The following GPR158 variants were observed in gnomAD, a reference collection of about 807,000 sequenced individuals.
GPR158 encodes metabotropic glycine receptor.
A neutral mutation model predicts 78.2 loss-of-function variants in GPR158; 30 were observed. The observed-to-expected ratio is 0.38, with a 90% CI of 0.29 to 0.52. GPR158 has a LOEUF of 0.52. GPR158 is among the 20% of genes least tolerant of loss of function. GPR158 has a pLI of 0.83. For missense variants in GPR158, 1,463 were observed against 1,523.5 expected (o/e 0.96, Z 0.66); for synonymous variants, 581 against 591.1 (o/e 0.98, Z 0.25).
intron 5 of GPR158, among the ~76,000 whole-genome samples, chr10:25,528,323 CTATA>C (rs931049424): frequency 6.6e-6 from 1 of 151,168 alleles, no homozygotes; most frequent in African/African-American, 2.4e-5. Flanking sequence ...AAAATTGGAT[CTATA>C]TATATATAGA....
chr10:25,597,246 A>G (rs1350800736), intron 10 of GPR158, among the ~76,000 whole-genome samples: 1 of 152,202 alleles, frequency 6.6e-6, no homozygotes, highest in Admixed American at 6.5e-5. Flanking sequence ...ACGGACTATT[A>G]CCCTCTAAGC....
intron 5 of GPR158, among the ~76,000 whole-genome samples, chr10:25,515,744 C>T (rs1259919273): frequency 6.8e-6 from 1 of 146,558 alleles, no homozygotes; most frequent in African/African-American, 2.5e-5. Flanking sequence ...GTATATGTGC[C>T]ACATTTTCTT....
chr10:25,502,672 A>G (rs1259053316), intron 5 of GPR158, among the ~76,000 whole-genome samples: 3 of 152,194 alleles, frequency 2.0e-5, no homozygotes, highest in South Asian at 2.1e-4. Flanking sequence ...GACACCATCT[A>G]TAGGCAGGAC....
intron 2 of GPR158, among the ~76,000 whole-genome samples, chr10:25,321,318 A>G (rs537410879): frequency 6.6e-6 from 1 of 152,300 alleles, no homozygotes; most frequent in South Asian, 2.1e-4. Context: ...TGGGATTTAT[A>G]TTTCCAGAGA....
chr10:25,498,838 T>C (rs927647689), intron 5 of GPR158, among the ~76,000 whole-genome samples: 3 of 152,190 alleles, frequency 2.0e-5, no homozygotes, highest in African/African-American at 7.2e-5. Context: ...CATCAGTAGG[T>C]GCTGGATGGC....
chr10:25,507,365 C>G (rs35075874), intron 5 of GPR158, among the ~76,000 whole-genome samples: 19,170 of 152,236 alleles, frequency 0.13, 1,274 homozygotes, highest in African/African-American at 0.14. Context: ...AAGATAGAAC[C>G]AGGAAGCACA....
At chr10:25,345,943 G>T (rs1855365691) in intron 2 of GPR158, among the ~76,000 whole-genome samples, 2 of 151,882 alleles carry the variant, frequency 1.3e-5, no homozygotes, top group African/African-American at 4.8e-5. Context: ...AAAAATGTTG[G>T]ATTACAATCT....
chr10:25,342,620 A>T (rs1855317247), intron 2 of GPR158, among the ~76,000 whole-genome samples: 1 of 151,920 alleles, frequency 6.6e-6, no homozygotes, highest in Non-Finnish European at 1.5e-5. Context: ...ATGCTTGGGA[A>T]AAAAATGTAA....
intron 2 of GPR158, among the ~76,000 whole-genome samples, chr10:25,269,531 T>A (rs1854088469): frequency 6.6e-6 from 1 of 152,206 alleles, no homozygotes; most frequent in Non-Finnish European, 1.5e-5. Context: ...AGAGCAGGGA[T>A]TAAATTCTAG....
intron 1 of GPR158, among the ~76,000 whole-genome samples, chr10:25,199,124 G>GTTT (rs777671478): frequency 5.7e-4 from 85 of 147,872 alleles, no homozygotes; most frequent in East Asian, 1.6e-3. Flanking sequence ...CTCAAATAAA[G>GTTT]TTTTTGTTTT....
chr10:25,310,285 C>G (rs559818900), intron 2 of GPR158, among the ~76,000 whole-genome samples: 2 of 152,126 alleles, frequency 1.3e-5, no homozygotes, highest in East Asian at 3.8e-4. Flanking sequence ...ATTACAAAAC[C>G]GTTGGATTCC....
At chr10:25,241,641 C>T (rs1237746123) in intron 2 of GPR158, among the ~76,000 whole-genome samples, 2 of 152,054 alleles carry the variant, frequency 1.3e-5, no homozygotes, top group African/African-American at 2.4e-5. Flanking sequence ...AGGCTGATCT[C>T]GAACTCCTGA....
chr10:25,505,309 T>C (rs1447481082), intron 5 of GPR158, among the ~76,000 whole-genome samples: 1 of 152,256 alleles, frequency 6.6e-6, no homozygotes, highest in Non-Finnish European at 1.5e-5. Context: ...CACAGAATTC[T>C]AAGACTGTAG....
At chr10:25,414,918 G>A (rs954812566) in intron 4 of GPR158, among the ~76,000 whole-genome samples, 1 of 152,128 alleles carries the variant, frequency 6.6e-6, no homozygotes, top group African/African-American at 2.4e-5. Flanking sequence ...TTTGAATACT[G>A]TCTCAGCTCC....
At chr10:25,431,387 A>G (rs1834902914) in intron 4 of GPR158, among the ~76,000 whole-genome samples, 1 of 148,276 alleles carries the variant, frequency 6.7e-6, no homozygotes, top group Non-Finnish European at 1.5e-5. Context: ...GTGGAGAAAT[A>G]GGAACACTTT....
chr10:25,322,996 G>A (rs1854976420), intron 2 of GPR158, among the ~76,000 whole-genome samples: 2 of 152,030 alleles, frequency 1.3e-5, no homozygotes, highest in African/African-American at 2.4e-5. Flanking sequence ...ACAGATGCCC[G>A]CCACCATGCC....
chr10:25,307,454 G>A (rs1170622227), intron 2 of GPR158, among the ~76,000 whole-genome samples: 2 of 146,132 alleles, frequency 1.4e-5, no homozygotes, highest in East Asian at 4.2e-4. Flanking sequence ...GACCATCATA[G>A]CTCACTGCAG....
At chr10:25,381,944 C>A (rs1834160972) in intron 2 of GPR158, among the ~76,000 whole-genome samples, 1 of 152,168 alleles carries the variant, frequency 6.6e-6, no homozygotes, top group African/African-American at 2.4e-5. Flanking sequence ...TGCCTGAGAA[C>A]CAGACCATGA....
intron 4 of GPR158, among the ~76,000 whole-genome samples, chr10:25,432,921 A>T (rs1478460854): frequency 6.6e-6 from 1 of 152,228 alleles, no homozygotes; most frequent in Non-Finnish European, 1.5e-5. Context: ...GATAGATAAT[A>T]AAGAAATAAA....
Sources: gnomAD v4.1 joint callset for allele counts (sites outside exome capture counted in the v4.1 genomes callset) on GRCh38, gnomAD v4.1.1 for gene constraint, MANE v1.5 for transcripts, NCBI Gene and HGNC (gene_info 2026-07-23, HGNC 2026-07-21) for gene names.